Variants in PLCE1 observed in about 807,000 individuals in gnomAD.
The protein encoded by PLCE1 is 1-phosphatidylinositol 4,5-bisphosphate phosphodiesterase epsilon-1.
In PLCE1, 119 loss-of-function variants were observed where a neutral mutation model predicts 242.8. The ratio of observed to expected loss-of-function variants is 0.49; its 90% CI spans 0.42 to 0.57. The LOEUF is 0.57. Among genes scored for constraint, PLCE1 ranks in the 20% least tolerant of loss-of-function variants. The pLI, the probability that PLCE1 is intolerant of heterozygous loss-of-function variation, is 0.00. For synonymous variants in PLCE1, 945 were observed against 1,017.4 expected, an observed-to-expected ratio of 0.93 and a Z score of 1.35; for missense variants, 2,441 against 2,788.8, an observed-to-expected ratio of 0.88 and a Z score of 2.81.
chr10:94,132,405 A>C lies in PLCE1; in HGVS notation c.1438A>C (p.Arg480=). Residue 480 remains arginine, a synonymous_variant, in exon 3 of 33, where the codon AGA becomes CGA. Coordinates refer to ENST00000371380, the MANE Select transcript of PLCE1 (RefSeq NM_016341.4). The part of the protein sequence containing the change: ...LLEATTSLGA[R]SGLLSTFGGS... Reference sequence around the variant, plus strand: ...AGAAGCAACCACGTCTTTGGGAGCAAGAAGTGGCCTTCTCAGTACTTTTGG... The same window carrying C: ...AGAAGCAACCACGTCTTTGGGAGCACGAAGTGGCCTTCTCAGTACTTTTGG... 6.2e-7 allele frequency: 1 copy of C among 1,614,184 alleles called. No individual in the cohort carries two copies. Among genetic ancestry groups the C allele is most frequent in the Non-Finnish European group, 8.5e-7 (1 of 1,180,024 alleles).
At chr10:94,267,595 G>A (rs2051564044) in intron 16 of PLCE1, among the ~76,000 whole-genome samples, 1 of 152,126 alleles carries the variant, frequency 6.6e-6, no homozygotes, top group Admixed American at 6.6e-5. Context: ...CTAGCCATAT[G>A]TGGATATCTA....
chr10:94,081,994 G>A (rs941786521), intron 2 of PLCE1: 9 of 152,228 alleles, frequency 5.9e-5, no homozygotes. Context: ...CCTGCCAAGA[G>A]TAGATTAAAG....
chr10:94,056,989 C>A (rs2043924998), intron 2 of PLCE1, among the ~76,000 whole-genome samples: 1 of 152,120 alleles, frequency 6.6e-6, no homozygotes, highest in Admixed American at 6.6e-5. Context: ...TACTTCACTA[C>A]TTTTTATGAC....
intron 2 of PLCE1, among the ~76,000 whole-genome samples, chr10:94,073,751 C>T (rs1266110546): frequency 6.6e-6 from 1 of 152,126 alleles, no homozygotes; most frequent in East Asian, 1.9e-4. Flanking sequence ...TGGTTTAGGT[C>T]CTACTGCTCC....
Position 94,332,043 on chromosome 10 carries a change from T to C in PLCE1, c.*4100T>C, listed in dbSNP as rs2054164752. ...TGCGCCATGTCCGTCTAATTTTTTT[T>C]ATTTTCAGTAGAGACGGGGGTTTCA... is the stretch of plus-strand genomic sequence containing the variant. On this transcript the variant is annotated 3_prime_UTR_variant, in exon 33 of 33. Transcript: ENST00000371380. The C allele has an allele frequency of 6.6e-6, 1 of 152,080 alleles. No individual in the cohort carries two copies. Among genetic ancestry groups the C allele is most frequent in the East Asian group, 1.9e-4 (1 of 5,156 alleles). 9.4% of individuals were successfully genotyped at this position (152,080 alleles called of 1,614,324 possible). A position where few individuals can be genotyped will look rare whatever the true frequency, so the allele number is the denominator to read the frequency against.
chr10:94,047,372 A>G (rs2043626521), intron 2 of PLCE1, among the ~76,000 whole-genome samples: 1 of 152,150 alleles, frequency 6.6e-6, no homozygotes, highest in Non-Finnish European at 1.5e-5. Flanking sequence ...GTTCCGCCAT[A>G]AGAAAATTGA....
chr10:94,212,612 A>G (rs1280578796), intron 4 of PLCE1, among the ~76,000 whole-genome samples: 2 of 152,128 alleles, frequency 1.3e-5, no homozygotes, highest in Admixed American at 1.3e-4. Flanking sequence ...TCTGGTCTCA[A>G]ACTCCTGAAC....
chr10:94,327,907 G>C (rs948292708), intron 32 of PLCE1, 61 bp from the exon 33 acceptor site: 3 of 497,090 alleles, frequency 6.0e-6, no homozygotes, highest in African/African-American at 3.9e-5. Flanking sequence ...TTGGTATACC[G>C]CAAGTGTTTC....
At chr10:94,208,327 T>G (rs2049229068) in intron 4 of PLCE1, among the ~76,000 whole-genome samples, 1 of 152,184 alleles carries the variant, frequency 6.6e-6, no homozygotes, top group African/African-American at 2.4e-5. Flanking sequence ...AGTCTGGCAA[T>G]GAAACCTCAG....
At chr10:94,210,875 G>C (rs1004589724) in intron 4 of PLCE1, among the ~76,000 whole-genome samples, 4 of 152,060 alleles carry the variant, frequency 2.6e-5, no homozygotes, top group African/African-American at 7.2e-5. Context: ...TTCCTTGTTG[G>C]GGCCTCCCTT....
chr10:94,253,431 G>A (rs1215595928), intron 9 of PLCE1, among the ~76,000 whole-genome samples: 1 of 152,096 alleles, frequency 6.6e-6, no homozygotes, highest in African/African-American at 2.4e-5. Flanking sequence ...ATGGCTCACT[G>A]CAGCTTCAAA....
intron 1 of PLCE1, among the ~76,000 whole-genome samples, chr10:93,994,701 GC>G (rs1365329653): frequency 1.3e-5 from 2 of 152,228 alleles, no homozygotes; most frequent in Non-Finnish European, 2.9e-5. Context: ...AGCTAGCTTT[GC>G]CTTCAAGTCC....
chr10:94,068,387 A>G (rs529276955), intron 2 of PLCE1, among the ~76,000 whole-genome samples: 3 of 138,980 alleles, frequency 2.2e-5, no homozygotes, highest in African/African-American at 9.5e-5. Context: ...ATTCGGGGGA[A>G]AAATAACAAT....
intron 4 of PLCE1, among the ~76,000 whole-genome samples, chr10:94,187,146 ATGTG>A (rs372501153): frequency 0.048 from 6,917 of 145,428 alleles, 180 homozygotes; most frequent in African/African-American, 0.065. Context: ...TGAAACATAT[ATGTG>A]TGTGTGTGTG....
At chr10:94,130,888 C>T (rs899489642) in intron 2 of PLCE1, among the ~76,000 whole-genome samples, 7 of 152,108 alleles carry the variant, frequency 4.6e-5, no homozygotes, top group Admixed American at 1.3e-4. Context: ...ATGCCTGGCC[C>T]GCAGGGCAGT....
At chr10:94,310,704 A>G (rs2053360808) in intron 27 of PLCE1, among the ~76,000 whole-genome samples, 1 of 152,174 alleles carries the variant, frequency 6.6e-6, no homozygotes, top group Admixed American at 6.5e-5. Context: ...TGAAGATTCC[A>G]CAGATGCCAC....
At chr10:94,295,876 T>C (rs2052793869) in intron 23 of PLCE1, among the ~76,000 whole-genome samples, 1 of 152,208 alleles carries the variant, frequency 6.6e-6, no homozygotes, top group Non-Finnish European at 1.5e-5. Flanking sequence ...AGATTTAGCA[T>C]GATTCTTAAG....
intron 1 of PLCE1, among the ~76,000 whole-genome samples, chr10:94,026,584 A>G (rs1229313096): frequency 1.3e-5 from 2 of 152,204 alleles, no homozygotes; most frequent in Admixed American, 1.3e-4. Context: ...GCTTCCCTTA[A>G]AAACAACCTA....
At chr10:94,317,008 T>G (rs1290915791) in intron 29 of PLCE1, among the ~76,000 whole-genome samples, 2 of 152,182 alleles carry the variant, frequency 1.3e-5, no homozygotes, top group Non-Finnish European at 2.9e-5. Flanking sequence ...CTCAGCATTT[T>G]GGGAGGCCGA....
Sources: allele counts gnomAD v4.1 joint callset (sites outside exome capture counted in the v4.1 genomes callset), GRCh38; gene constraint gnomAD v4.1.1; transcripts MANE v1.5; gene names NCBI Gene and HGNC (gene_info 2026-07-23, HGNC 2026-07-21).